The following TCF4 variants were observed in gnomAD, a reference collection of about 807,000 sequenced individuals.
The protein encoded by TCF4 is SL3-3 enhancer factor 2.
Under a neutral mutation model 82.1 loss-of-function variants are expected in TCF4, and 3 were observed. The observed-to-expected ratio is 0.04, with a 90% CI of 0.02 to 0.09. The LOEUF (loss-of-function observed/expected upper bound fraction) is 0.09, where lower values mean the gene tolerates loss of function less well. TCF4 is among the 10% of genes least tolerant of loss of function. The pLI, the probability that TCF4 is intolerant of heterozygous loss-of-function variation, is 1.00. For missense variants in TCF4, 518 were observed against 852.7 expected, an observed-to-expected ratio of 0.61 and a Z score of 4.89; for synonymous variants, 276 against 309.6, an observed-to-expected ratio of 0.89 and a Z score of 1.14.
intron 3 of TCF4, among the ~76,000 whole-genome samples, chr18:55,580,744 G>A (rs2097568018): frequency 2.1e-5 from 1 of 48,692 alleles, no homozygotes. Context: ...GCTGTCTGAT[G>A]TGTGTGTGTG....
chr18:55,597,970 G>A (rs904342369), intron 2 of TCF4, among the ~76,000 whole-genome samples: 2 of 152,116 alleles, frequency 1.3e-5, no homozygotes, highest in Non-Finnish European at 1.5e-5. Flanking sequence ...ACTATGCAAG[G>A]GGCAATGAAG....
At chr18:55,488,772 T>C (rs1307098674) in intron 3 of TCF4, among the ~76,000 whole-genome samples, 4 of 152,206 alleles carry the variant, frequency 2.6e-5, no homozygotes, top group Admixed American at 1.3e-4. Context: ...GTTGTTATTG[T>C]TCTCTTTTTT....
chr18:55,439,313 C>T lies in TCF4; in HGVS notation c.304+21706G>A, dbSNP rs1045894547. Among the ~76,000 whole-genome samples the T allele has an allele frequency of 4.6e-5, 7 of 152,254 alleles. No individual in the cohort carries two copies. The South Asian group carries it at 8.3e-4, about 18-fold the overall frequency. ...GGATAAGGGCAAAAAGCAGGCACCACGCTGAGGACAGCACAGCACACTGAG... is the reference window on the plus strand; with the variant it reads ...GGATAAGGGCAAAAAGCAGGCACCATGCTGAGGACAGCACAGCACACTGAG... On this transcript the variant is annotated intron_variant, in intron 5 of 19. Transcript: ENST00000354452.
intron 8 of TCF4, chr18:55,321,447 T>C: frequency 1.5e-6 from 1 of 664,156 alleles, no homozygotes; most frequent in Non-Finnish European, 2.6e-6. Flanking sequence ...TCTGAAAGCA[T>C]CTATTTTTCT....
chr18:55,434,465 G>A (rs1056197274), intron 5 of TCF4, among the ~76,000 whole-genome samples: 60 of 146,618 alleles, frequency 4.1e-4, no homozygotes, highest in African/African-American at 1.5e-3. Context: ...TGTTGCCGAG[G>A]CTAGAGTGCA....
intron 2 of TCF4, among the ~76,000 whole-genome samples, chr18:55,600,010 T>G (rs2097695170): frequency 6.6e-6 from 1 of 152,176 alleles, no homozygotes; most frequent in Non-Finnish European, 1.5e-5. Flanking sequence ...ACTCATTGTA[T>G]CTGTGAGATT....
intron 14 of TCF4, 99 bp from the exon 15 acceptor site, chr18:55,254,799 T>C (rs970783170): frequency 9.6e-7 from 1 of 1,043,762 alleles, no homozygotes; most frequent in Non-Finnish European, 1.5e-6. Context: ...ACTGTGTTTC[T>C]AAATACATGT....
chr18:55,290,752 GA>G (rs1325980167), intron 8 of TCF4, among the ~76,000 whole-genome samples: 1 of 152,072 alleles, frequency 6.6e-6, no homozygotes, highest in Non-Finnish European at 1.5e-5. Flanking sequence ...CGATCAGGAA[GA>G]AAGTTGCATC....
chr18:55,252,675 A>T (rs4800988), intron 15 of TCF4, among the ~76,000 whole-genome samples: 38,424 of 152,068 alleles, frequency 0.25, 4,939 homozygotes, highest in East Asian at 0.32. Context: ...TGGAAAAAAT[A>T]GTCTCTGAAG....
At chr18:55,472,339 G>T (rs911145096) in intron 3 of TCF4, among the ~76,000 whole-genome samples, 1 of 152,118 alleles carries the variant, frequency 6.6e-6, no homozygotes, top group South Asian at 2.1e-4. Context: ...TGAACCAAAC[G>T]TACATTGAAG....
In TCF4 at chr18:55,228,202, T is replaced by C. The variant is rs767471520; in HGVS notation, c.*4+19A>G. 9.3e-6 allele frequency: 15 copies of C among 1,614,022 alleles called. No homozygotes were observed. The East Asian group carries it at 2.9e-4, about 31-fold the overall frequency. ...AGTTTTGAATGATCGATCTCAGAAA[T>C]GGCTGAAAACAAACTTGCCCTTTTA... is the stretch of plus-strand genomic sequence containing the variant. On this transcript the variant is annotated intron_variant, in intron 19 of 19. Transcript: ENST00000354452.
At chr18:55,586,229 A>AGCAGCAGCG in intron 2 of TCF4, 1 of 977,748 alleles carries the variant, frequency 1.0e-6, no homozygotes, top group Non-Finnish European at 1.5e-6. Flanking sequence ...CAGCAGCAGC[A>AGCAGCAGCG]TGAAAGAGCC....
At chr18:55,532,763 A>G (rs1568332263) in intron 3 of TCF4, among the ~76,000 whole-genome samples, 1 of 152,150 alleles carries the variant, frequency 6.6e-6, no homozygotes, top group Non-Finnish European at 1.5e-5. Flanking sequence ...TCTTCGAAAG[A>G]GTTCACAGAA....
chr18:55,449,043 T>C (rs896675271), intron 5 of TCF4, among the ~76,000 whole-genome samples: 2 of 152,216 alleles, frequency 1.3e-5, no homozygotes, highest in Admixed American at 6.5e-5. Flanking sequence ...ACTGTTTTAT[T>C]TCAGGAGAAA....
intron 3 of TCF4, among the ~76,000 whole-genome samples, chr18:55,467,786 T>C (rs1262234023): frequency 6.6e-6 from 1 of 152,210 alleles, no homozygotes; most frequent in Non-Finnish European, 1.5e-5. Context: ...GTAACTGCTA[T>C]TCCTTCTGCC....
chr18:55,347,225 C>T (rs1286919059), intron 8 of TCF4, among the ~76,000 whole-genome samples: 4 of 151,934 alleles, frequency 2.6e-5, no homozygotes, highest in Non-Finnish European at 4.4e-5. Flanking sequence ...GAAATTGGGA[C>T]GTGACTAAAA....
At position 55,614,920 on chromosome 18, in the gene TCF4, A is replaced by G. The variant is rs566005241; in HGVS notation, c.286+16378T>C. Among the ~76,000 whole-genome samples the G allele has an allele frequency of 3.3e-5, 5 of 152,224 alleles. No homozygotes were observed. The East Asian group carries it at 5.8e-4, about 18-fold the overall frequency. On this transcript the variant is annotated intron_variant, in intron 2 of 20. Coordinates refer to the TCF4 transcript ENST00000398339. ...TGACCCATTCTGAGTTAATTTTTAT[A>G]TATGTTCCAAAGTATGAATCAAAGT...
intron 2 of TCF4, among the ~76,000 whole-genome samples, chr18:55,621,689 A>G (rs1268220181): frequency 8.2e-5 from 7 of 85,184 alleles, no homozygotes; most frequent in African/African-American, 2.8e-4. Flanking sequence ...TATATATTAT[A>G]TTATATAATA....
intron 3 of TCF4, among the ~76,000 whole-genome samples, chr18:55,570,903 A>C (rs1301986180): frequency 2.6e-5 from 4 of 151,930 alleles, no homozygotes; most frequent in Non-Finnish European, 5.9e-5. Flanking sequence ...AAAAAAAAAA[A>C]AAAAAGACTA....
Sources: gnomAD v4.1 joint callset for allele counts (sites outside exome capture counted in the v4.1 genomes callset) on GRCh38, gnomAD v4.1.1 for gene constraint, MANE v1.5 for transcripts, NCBI Gene and HGNC (gene_info 2026-07-23, HGNC 2026-07-21) for gene names.